The following PTPN4 variants were observed in gnomAD, a reference collection of about 807,000 sequenced individuals.
PTPN4 encodes tyrosine-protein phosphatase non-receptor type 4.
PTPN4 carries 49 observed loss-of-function variants against 135.5 expected under a neutral mutation model. The observed-to-expected ratio is 0.36, with a 90% CI of 0.29 to 0.46. PTPN4 has a LOEUF of 0.46. PTPN4 is among the 20% of genes least tolerant of loss of function. The pLI, the probability that PTPN4 is intolerant of heterozygous loss-of-function variation, is 1.00. For missense variants in PTPN4, 860 were observed against 1,101.0 expected (o/e 0.78, Z 3.10); for synonymous variants, 333 against 369.9 (o/e 0.90, Z 1.14).
intron 23 of PTPN4, among the ~76,000 whole-genome samples, chr2:119,961,716 C>T (rs946929544): frequency 6.6e-6 from 1 of 152,102 alleles, no homozygotes; most frequent in African/African-American, 2.4e-5. Context: ...TAAAAAGGAA[C>T]GAAGTAGTGA....
intron 17 of PTPN4, 46 bp downstream of exon 17, chr2:119,946,470 C>T (rs367910283): frequency 3.8e-6 from 6 of 1,590,450 alleles, no homozygotes; most frequent in Non-Finnish European, 5.2e-6. Context: ...TTAAGATGTT[C>T]TTATTTTGGT....
chr2:119,762,568 G>A (rs1342817493), intron 1 of PTPN4, among the ~76,000 whole-genome samples: 1 of 152,074 alleles, frequency 6.6e-6, no homozygotes, highest in Non-Finnish European at 1.5e-5. Context: ...AAAATTGCAA[G>A]GAGGTTTGTT....
intron 1 of PTPN4, among the ~76,000 whole-genome samples, chr2:119,774,823 G>A (rs1349497373): frequency 6.6e-6 from 1 of 151,898 alleles, no homozygotes; most frequent in Non-Finnish European, 1.5e-5. Context: ...TCGGGAGTTC[G>A]AGACCAGTCT....
rs1198738266 is a variant in PTPN4 at position 119,979,255 on chromosome 2, A to G, written c.*2185A>G. On this transcript the variant is annotated 3_prime_UTR_variant, in exon 27 of 27. Transcript: ENST00000263708. ...CAGAATATGACAACCATAGACCAAA[A>G]GATATCATTGTATAGATGTAAAGAG... 6.6e-6 allele frequency: 1 copy of G among 152,152 alleles called. No individual in the cohort carries two copies. The highest frequency in any genetic ancestry group is 6.5e-5 in the Admixed American group (1 of 15,272). 9.4% of individuals were successfully genotyped at this position (152,152 alleles called of 1,614,324 possible). A position where few individuals can be genotyped will look rare whatever the true frequency, so the allele number is the denominator to read the frequency against.
intron 2 of PTPN4, among the ~76,000 whole-genome samples, chr2:119,824,832 C>T (rs897840515): frequency 1.3e-5 from 2 of 151,940 alleles, no homozygotes; most frequent in Non-Finnish European, 2.9e-5. Flanking sequence ...GGATTACAGG[C>T]ACGTGCCACC....
intron 11 of PTPN4, among the ~76,000 whole-genome samples, chr2:119,918,035 G>A (rs1338164329): frequency 6.6e-6 from 1 of 152,208 alleles, no homozygotes; most frequent in Non-Finnish European, 1.5e-5. Context: ...AGAAGCTTCA[G>A]TGCATCATAG....
intron 1 of PTPN4, among the ~76,000 whole-genome samples, chr2:119,798,995 ACTC>A (rs1370537500): frequency 6.6e-6 from 1 of 152,066 alleles, no homozygotes; most frequent in Non-Finnish European, 1.5e-5. Flanking sequence ...TTTGATGGCT[ACTC>A]CTCGGCTTCT....
At chr2:119,877,819 G>A (rs905414602) in intron 5 of PTPN4, among the ~76,000 whole-genome samples, 1 of 152,102 alleles carries the variant, frequency 6.6e-6, no homozygotes, top group Admixed American at 6.5e-5. Context: ...CTGCTTAAGT[G>A]TGGCTATAAT....
In PTPN4 at chr2:119,983,423, T is replaced by C. The variant is rs1040243042; in HGVS notation, c.*6353T>C. On this transcript the variant is annotated 3_prime_UTR_variant, in exon 27 of 27. Coordinates refer to ENST00000263708, the MANE Select transcript of PTPN4 (RefSeq NM_002830.4). ...CTTTTTAGTTTCTACTCCTGAATTG[T>C]AGTGTTCAAGTTATTTGCCTTCCTG... is the stretch of plus-strand genomic sequence containing the variant. The C allele has an allele frequency of 3.3e-5, 5 of 152,344 alleles. No individual in the cohort carries two copies. The highest frequency in any genetic ancestry group is 7.2e-5 in the African/African-American group (3 of 41,578). 9.4% of individuals were successfully genotyped at this position (152,344 alleles called of 1,614,324 possible).
chr2:119,790,754 A>G (rs1018839818), intron 1 of PTPN4, among the ~76,000 whole-genome samples: 4 of 151,826 alleles, frequency 2.6e-5, no homozygotes, highest in East Asian at 3.9e-4. Context: ...TTGTTTCTCT[A>G]TTCATCTATT....
At chr2:119,836,431 A>G (rs1235129036) in intron 2 of PTPN4, among the ~76,000 whole-genome samples, 2 of 152,242 alleles carry the variant, frequency 1.3e-5, no homozygotes, top group Non-Finnish European at 2.9e-5. Context: ...AACTAGCCAA[A>G]TAAGAACTCA....
In PTPN4 at chr2:119,760,125, T is replaced by C; in HGVS notation, c.-277T>C. 2.6e-6 allele frequency: 1 copy of C among 390,930 alleles called. No individual in the cohort carries two copies. Among genetic ancestry groups the C allele is most frequent in the Non-Finnish European group, 4.5e-6 (1 of 221,520 alleles). 24.2% of individuals were successfully genotyped at this position (390,930 alleles called of 1,614,324 possible). On this transcript the variant is annotated 5_prime_UTR_variant, in exon 1 of 27. Coordinates refer to ENST00000263708, the MANE Select transcript of PTPN4 (RefSeq NM_002830.4). ...CGCACTTTTGGGGGTGTGGATTATC[T>C]CATCCCTGCAGGGAGGTAGGAGAGG...
At chr2:119,871,677 T>C (rs1677912319) in intron 3 of PTPN4, among the ~76,000 whole-genome samples, 1 of 152,198 alleles carries the variant, frequency 6.6e-6, no homozygotes, top group Non-Finnish European at 1.5e-5. Flanking sequence ...AGGACTTTTA[T>C]GTTTTTTTGC....
intron 1 of PTPN4, among the ~76,000 whole-genome samples, chr2:119,802,940 G>A (rs1294102450): frequency 1.3e-5 from 2 of 152,152 alleles, no homozygotes; most frequent in Non-Finnish European, 2.9e-5. Flanking sequence ...AATTTTGGCA[G>A]TTTGTGCCTT....
chr2:119,852,486 A>G (rs1024068362), intron 2 of PTPN4, among the ~76,000 whole-genome samples: 8 of 152,202 alleles, frequency 5.3e-5, no homozygotes, highest in African/African-American at 1.9e-4. Context: ...TACGCCAAGC[A>G]CTTGTTTCTG....
intron 26 of PTPN4, 70 bp downstream of exon 26, chr2:119,968,042 A>C (rs925325049): frequency 8.4e-7 from 1 of 1,188,268 alleles, no homozygotes; most frequent in Non-Finnish European, 1.1e-6. Flanking sequence ...TGCATATTCT[A>C]AATCATATTT....
At chr2:119,954,587 G>A (rs1679254725) in intron 19 of PTPN4, among the ~76,000 whole-genome samples, 1 of 152,108 alleles carries the variant, frequency 6.6e-6, no homozygotes, top group Non-Finnish European at 1.5e-5. Flanking sequence ...AAGCCCCTAT[G>A]TTAAAAAATG....
At chr2:119,800,505 G>T (rs1399935593) in intron 1 of PTPN4, among the ~76,000 whole-genome samples, 1 of 139,882 alleles carries the variant, frequency 7.1e-6, no homozygotes, top group Non-Finnish European at 1.5e-5. Context: ...CTAGTCTATT[G>T]TCAGATAAAT....
At chr2:119,876,729 C>CAT (rs1261146061) in intron 3 of PTPN4, among the ~76,000 whole-genome samples, 1 of 151,966 alleles carries the variant, frequency 6.6e-6, no homozygotes, top group Non-Finnish European at 1.5e-5. Flanking sequence ...ACATAAAAAT[C>CAT]AATCATTCTC....
Sources: allele counts gnomAD v4.1 joint callset (sites outside exome capture counted in the v4.1 genomes callset), GRCh38; gene constraint gnomAD v4.1.1; transcripts MANE v1.5; gene names NCBI Gene and HGNC (gene_info 2026-07-23, HGNC 2026-07-21).